ABLIM1: variants seen among roughly 807,000 people sequenced by gnomAD.
The protein encoded by ABLIM1 is actin binding LIM protein 1, also known as actin-binding LIM protein 1.
ABLIM1 carries 40 observed loss-of-function variants against 107.0 expected under a neutral mutation model. The ratio of observed to expected loss-of-function variants is 0.37; its 90% CI spans 0.29 to 0.49. The LOEUF (loss-of-function observed/expected upper bound fraction) is 0.49, where lower values mean the gene tolerates loss of function less well. ABLIM1 is among the 20% of genes least tolerant of loss of function. The pLI, the probability that ABLIM1 is intolerant of heterozygous loss-of-function variation, is 0.97. For synonymous variants in ABLIM1, 357 were observed against 357.3 expected, an observed-to-expected ratio of 1.00 and a Z score of 0.01; for missense variants, 857 against 1,008.5, an observed-to-expected ratio of 0.85 and a Z score of 2.04.
intron 15 of ABLIM1, among the ~76,000 whole-genome samples, chr10:114,447,671 C>G (rs1009085184): frequency 5.3e-5 from 8 of 152,212 alleles, no homozygotes; most frequent in Non-Finnish European, 1.2e-4. Flanking sequence ...TTGGTTAGAA[C>G]AAGACTCTGG....
intron 1 of ABLIM1, among the ~76,000 whole-genome samples, chr10:114,633,392 G>GCACA (rs2078300034): frequency 6.6e-6 from 1 of 152,086 alleles, no homozygotes; most frequent in South Asian, 2.1e-4. Context: ...TGTAACAGTA[G>GCACA]CACAGCTCAG....
intron 1 of ABLIM1, among the ~76,000 whole-genome samples, chr10:114,604,532 A>G (rs1002023031): frequency 9.2e-5 from 14 of 152,234 alleles, no homozygotes; most frequent in African/African-American, 3.1e-4. Flanking sequence ...TGTATTAAAA[A>G]TGCAGGTTCT....
intron 2 of ABLIM1, among the ~76,000 whole-genome samples, chr10:114,580,219 A>ATATATT (rs1565997621): frequency 6.8e-6 from 1 of 147,900 alleles, no homozygotes; most frequent in East Asian, 2.0e-4. Context: ...ATATATATAT[A>ATATATT]TTTTTTAGAC....
rs1289913087 is a variant in ABLIM1 at position 114,707,289 on chromosome 10, G to C, written c.-213+60772C>G. Among the ~76,000 whole-genome samples the C allele has an allele frequency of 6.6e-6, 1 of 152,124 alleles. No individual in the cohort carries two copies. On this transcript the variant is annotated intron_variant, in intron 1 of 15. Transcript: ENST00000651092. This position sits in a 1 kb window ranked among gnomAD's most constrained non-coding sequence, Gnocchi z 4.1. ...GCACTGTCACCCAAGATGGAGTGCA[G>C]TGGTGCAGTCTCAGCTCACTGCAAT...
At chr10:114,504,100 T>C (rs2060798960) in intron 6 of ABLIM1, among the ~76,000 whole-genome samples, 1 of 152,258 alleles carries the variant, frequency 6.6e-6, no homozygotes, top group East Asian at 1.9e-4. Context: ...ACAAAAAAAT[T>C]GGGTTTAGAA....
At chr10:114,450,975 AT>A (rs1386146131) in intron 14 of ABLIM1, among the ~76,000 whole-genome samples, 7 of 152,230 alleles carry the variant, frequency 4.6e-5, no homozygotes, top group African/African-American at 1.4e-4. Flanking sequence ...GGAAAACAGA[AT>A]TATACATCCA....
intron 1 of ABLIM1, among the ~76,000 whole-genome samples, chr10:114,704,787 T>C (rs566538571): frequency 6.6e-6 from 1 of 152,262 alleles, no homozygotes; most frequent in South Asian, 2.1e-4. Context: ...CCACAGATTG[T>C]TTCCAAGGAT....
At chr10:114,716,603 C>T (rs190586862) in intron 1 of ABLIM1, among the ~76,000 whole-genome samples, 2 of 152,284 alleles carry the variant, frequency 1.3e-5, no homozygotes, top group East Asian at 1.9e-4. Flanking sequence ...TTCATCTGAA[C>T]ACACATGCTA....
intron 19 of ABLIM1, 143 bp from the exon 20 acceptor site, chr10:114,440,232 G>A (rs547326300): frequency 2.4e-6 from 2 of 838,134 alleles, no homozygotes; most frequent in African/African-American, 1.7e-5. Flanking sequence ...CTCTGCACAT[G>A]TTATCCCATC....
chr10:114,718,898 T>C (rs72831083), intron 1 of ABLIM1, among the ~76,000 whole-genome samples: 1 of 152,348 alleles, frequency 6.6e-6, no homozygotes, highest in Non-Finnish European at 1.5e-5. Flanking sequence ...GAAAAGTTAC[T>C]AGAAGGTTTC....
intron 5 of ABLIM1, chr10:114,547,342 C>G: frequency 3.5e-6 from 1 of 288,302 alleles, no homozygotes; most frequent in Admixed American, 5.0e-5. Flanking sequence ...TTACTAGTTC[C>G]TCATAGGAGA....
chr10:114,799,489 T>C, the ABLIM1 span, among the ~76,000 whole-genome samples: 1 of 152,110 alleles, frequency 6.6e-6, no homozygotes, highest in East Asian at 1.9e-4. Context: ...GATCCCCCCC[T>C]CCAAAAATCC....
intron 1 of ABLIM1, among the ~76,000 whole-genome samples, chr10:114,713,942 G>A (rs2081606721): frequency 6.6e-6 from 1 of 152,180 alleles, no homozygotes; most frequent in South Asian, 2.1e-4. Flanking sequence ...AACCCTGTCT[G>A]TGTTAACTGC....
At chr10:114,557,837 C>CAAA (rs11340316) in intron 4 of ABLIM1, among the ~76,000 whole-genome samples, 1 of 136,432 alleles carries the variant, frequency 7.3e-6, no homozygotes, top group Non-Finnish European at 1.6e-5. Context: ...TTATGACTCT[C>CAAA]AAAAAAAAAA....
At chr10:114,472,210 C>G (rs1164600369) in intron 10 of ABLIM1, among the ~76,000 whole-genome samples, 1 of 152,176 alleles carries the variant, frequency 6.6e-6, no homozygotes, top group Non-Finnish European at 1.5e-5. Flanking sequence ...TAGATTCTAT[C>G]ATCACCCTAT....
At chr10:114,665,612 C>G (rs1165755508) in intron 1 of ABLIM1, among the ~76,000 whole-genome samples, 1 of 152,210 alleles carries the variant, frequency 6.6e-6, no homozygotes, top group Non-Finnish European at 1.5e-5. Context: ...TAAAAGCATA[C>G]TCAATTGTCA....
the ABLIM1 span, among the ~76,000 whole-genome samples, chr10:114,788,338 A>T: frequency 4.6e-5 from 6 of 129,998 alleles, no homozygotes; most frequent in Non-Finnish European, 6.2e-5. Flanking sequence ...AAAAAATAAA[A>T]AAAAAAAAAA....
upstream of ABLIM1, among the ~76,000 whole-genome samples, chr10:114,688,460 G>A (rs967813238): frequency 6.6e-6 from 1 of 152,110 alleles, no homozygotes; most frequent in Non-Finnish European, 1.5e-5. Flanking sequence ...CAAATCATTG[G>A]TCCTATAAAC....
chr10:114,462,560 T>C (rs2064167583), intron 12 of ABLIM1, among the ~76,000 whole-genome samples: 1 of 152,158 alleles, frequency 6.6e-6, no homozygotes, highest in African/African-American at 2.4e-5. Flanking sequence ...AGAGAAACAT[T>C]GATGTTGCCA....
Sources: gnomAD v4.1 joint callset for allele counts (sites outside exome capture counted in the v4.1 genomes callset) on GRCh38, gnomAD v4.1.1 for gene constraint, Gnocchi (gnomAD v3.1) non-coding constraint, MANE v1.5 for transcripts, NCBI Gene and HGNC (gene_info 2026-07-23, HGNC 2026-07-21) for gene names.